Variants in PCTP observed in about 807,000 individuals in gnomAD.
PCTP encodes the protein phosphatidylcholine transfer protein, also known as START domain-containing protein 2.
A neutral mutation model predicts 31.0 loss-of-function variants in PCTP; 27 were observed. The ratio of observed to expected loss-of-function variants is 0.87; its 90% CI spans 0.64 to 1.20. PCTP has a LOEUF of 1.20. PCTP is among the 50% of genes most tolerant of loss of function. The pLI is 0.00. For synonymous variants in PCTP, 108 were observed against 101.2 expected (o/e 1.07, Z -0.40); for missense variants, 287 against 268.2 (o/e 1.07, Z -0.49).
chr17:55,835,390 T>C (rs1905745532), intron 5 of PCTP, among the ~76,000 whole-genome samples: 1 of 152,226 alleles, frequency 6.6e-6, no homozygotes, highest in African/African-American at 2.4e-5. Flanking sequence ...CCTAGCTTGG[T>C]TCACGACAAC....
At chr17:55,786,758 G>T (rs1481738123) in intron 2 of PCTP, among the ~76,000 whole-genome samples, 2 of 152,146 alleles carry the variant, frequency 1.3e-5, no homozygotes, top group East Asian at 3.9e-4. Context: ...GTGCAGTTAA[G>T]ATTGCAAGTT....
At chr17:55,843,490 G>A (rs924299721), downstream of PCTP, among the ~76,000 whole-genome samples, 5 of 152,124 alleles carry the variant, frequency 3.3e-5, no homozygotes, top group Admixed American at 2.6e-4. Context: ...CGAATAAACC[G>A]TGGTGTTTCA....
chr17:55,755,626 A>G (rs1250091785), intron 1 of PCTP, among the ~76,000 whole-genome samples: 3 of 152,116 alleles, frequency 2.0e-5, no homozygotes, highest in Admixed American at 6.5e-5. Flanking sequence ...TTTCTCTTAA[A>G]TCACAAAATT....
downstream of PCTP, among the ~76,000 whole-genome samples, chr17:55,844,579 G>T (rs552511614): frequency 1.3e-5 from 2 of 152,118 alleles, no homozygotes; most frequent in African/African-American, 4.8e-5. Context: ...AGGGGAGGTA[G>T]CCAGCCCAAA....
At chr17:55,806,442 C>T (rs750215342) in intron 3 of PCTP, among the ~76,000 whole-genome samples, 1 of 152,048 alleles carries the variant, frequency 6.6e-6, no homozygotes, top group African/African-American at 2.4e-5. Flanking sequence ...CAAAACAAGA[C>T]TGTGTGTTGG....
At chr17:55,823,663 T>A (rs906885696), downstream of PCTP, among the ~76,000 whole-genome samples, 16 of 152,232 alleles carry the variant, frequency 1.1e-4, no homozygotes, top group Non-Finnish European at 1.9e-4. Flanking sequence ...ATCTTGTATA[T>A]CAATTCCTTG....
At chr17:55,838,831 A>G (rs139636454) in intron 5 of PCTP, among the ~76,000 whole-genome samples, 2 of 152,212 alleles carry the variant, frequency 1.3e-5, no homozygotes, top group East Asian at 3.9e-4. Flanking sequence ...CAGAGCTCAT[A>G]AATGAGCTAT....
chr17:55,799,112 A>G (rs1912283772), intron 3 of PCTP, among the ~76,000 whole-genome samples: 2 of 151,986 alleles, frequency 1.3e-5, no homozygotes, highest in Admixed American at 1.3e-4. Context: ...CTAATGCAAC[A>G]GCAGCTAGAG....
At chr17:55,809,796 C>T (rs141715403) in intron 3 of PCTP, among the ~76,000 whole-genome samples, 1 of 152,202 alleles carries the variant, frequency 6.6e-6, no homozygotes, top group Non-Finnish European at 1.5e-5. Context: ...GCTGGGATTA[C>T]AGGCATGAGC....
chr17:55,761,073 C>T (rs2144924550), intron 1 of PCTP, among the ~76,000 whole-genome samples: 1 of 152,254 alleles, frequency 6.6e-6, no homozygotes, highest in African/African-American at 2.4e-5. Flanking sequence ...GGCCAGTGTG[C>T]AAAGACACAC....
At chr17:55,805,822 A>C (rs973242285) in intron 3 of PCTP, among the ~76,000 whole-genome samples, 1 of 150,300 alleles carries the variant, frequency 6.7e-6, no homozygotes, top group South Asian at 2.1e-4. Flanking sequence ...ATTTTGTTTT[A>C]TTTGGCCCTG....
intron 1 of PCTP, among the ~76,000 whole-genome samples, chr17:55,754,287 T>C (rs1356241230): frequency 6.6e-6 from 1 of 152,202 alleles, no homozygotes; most frequent in Non-Finnish European, 1.5e-5. Context: ...TGGCTGTAAA[T>C]AGGGGATCCC....
intron 1 of PCTP, among the ~76,000 whole-genome samples, chr17:55,764,343 A>G (rs1481849909): frequency 6.6e-6 from 1 of 152,104 alleles, no homozygotes; most frequent in Non-Finnish European, 1.5e-5. Flanking sequence ...AGTGTGTATG[A>G]GTGTAAATGT....
downstream of PCTP, among the ~76,000 whole-genome samples, chr17:55,780,776 A>G (rs915087928): frequency 1.3e-5 from 2 of 152,188 alleles, no homozygotes; most frequent in Non-Finnish European, 2.9e-5. Context: ...ATTCTGGCCA[A>G]TATCATATGA....
Position 55,787,027 on chromosome 17 carries a change from ATG to A in PCTP, c.229-516_229-515del, listed in dbSNP as rs145447335. Reference sequence around the variant, plus strand: ...TGCTTGTGCATATGCATGTGTGAGCATGTGTGTGTGTGTGTGTGTGTGTGGTA... The same window carrying A: ...TGCTTGTGCATATGCATGTGTGAGCATGTGTGTGTGTGTGTGTGTGTGGTA... On this transcript the variant is annotated intron_variant, in intron 2 of 3. Coordinates refer to the PCTP transcript ENST00000572536. 4.9e-3 allele frequency among the ~76,000 whole-genome samples: 726 copies of A among 147,308 alleles called. 1 individual carries two copies. Among genetic ancestry groups the A allele is most frequent in the Admixed American group, 8.8e-3 (129 of 14,740 alleles).
At chr17:55,753,882 C>T (rs931454265) in intron 1 of PCTP, among the ~76,000 whole-genome samples, 1 of 152,210 alleles carries the variant, frequency 6.6e-6, no homozygotes, top group African/African-American at 2.4e-5. Flanking sequence ...TACTCTTTCC[C>T]CAAGCCACAC....
intron 3 of PCTP, among the ~76,000 whole-genome samples, chr17:55,797,889 A>C (rs767409823): frequency 1.3e-5 from 2 of 152,020 alleles, no homozygotes; most frequent in Admixed American, 6.6e-5. Context: ...AAAAGCAAAA[A>C]TAAAAGAAGA....
intron 3 of PCTP, among the ~76,000 whole-genome samples, chr17:55,796,924 GA>G (rs1567723977): frequency 6.6e-6 from 1 of 151,920 alleles, no homozygotes; most frequent in African/African-American, 2.4e-5. Flanking sequence ...AGAATGCTCT[GA>G]AATGAAGATT....
chr17:55,811,736 C>T lies in PCTP; in HGVS notation c.318-11025C>T, dbSNP rs181239755. On this transcript the variant is annotated intron_variant, in intron 3 of 3. Transcript: ENST00000572536. ...TCAGCTTGAATAAGTGTCATTTGCACATTCAGTTGTGAAAATTCTGCACGG... is the reference window on the plus strand; with the variant it reads ...TCAGCTTGAATAAGTGTCATTTGCATATTCAGTTGTGAAAATTCTGCACGG... Among the ~76,000 whole-genome samples, 4 of 152,356 alleles carry T rather than the reference C, an allele frequency of 2.6e-5. No homozygotes were observed. The East Asian group carries it at 7.7e-4, about 29-fold the overall frequency.
Sources: allele counts gnomAD v4.1 joint callset (sites outside exome capture counted in the v4.1 genomes callset), GRCh38; gene constraint gnomAD v4.1.1; transcripts MANE v1.5; gene names NCBI Gene and HGNC (gene_info 2026-07-23, HGNC 2026-07-21).